Variants in ARHGAP28 observed in about 807,000 individuals in gnomAD.
ARHGAP28 encodes the protein rho GTPase-activating protein 28.
Under a neutral mutation model 90.7 loss-of-function variants are expected in ARHGAP28, and 56 were observed. The ratio of observed to expected loss-of-function variants is 0.62; its 90% CI spans 0.50 to 0.77. The LOEUF (loss-of-function observed/expected upper bound fraction) is 0.77, where lower values mean the gene tolerates loss of function less well. Among genes scored for constraint, ARHGAP28 ranks in the 30% least tolerant of loss-of-function variants. The probability of loss-of-function intolerance (pLI) is 0.00; values close to 1 mark genes in which losing one functional copy is unlikely to be tolerated. For synonymous variants in ARHGAP28, 308 were observed against 323.3 expected, an observed-to-expected ratio of 0.95 and a Z score of 0.51; for missense variants, 869 against 900.9, an observed-to-expected ratio of 0.96 and a Z score of 0.45.
intron 16 of ARHGAP28, among the ~76,000 whole-genome samples, chr18:6,899,318 G>C (rs2057325974): frequency 6.6e-6 from 1 of 152,124 alleles, no homozygotes; most frequent in Admixed American, 6.5e-5. Context: ...GGAAAGAAGA[G>C]GCCTTGAGAA....
Position 6,821,491 on chromosome 18 carries a change from G to A in ARHGAP28, c.123-3271G>A, listed in dbSNP as rs142045290. On this transcript the variant is annotated intron_variant, in intron 1 of 17. Transcript: ENST00000383472. ...GTGAGGTATGAAGCTGCCCATTAAG[G>A]CTCATCAAACTGTTGGATGGGCCTG... is the stretch of plus-strand genomic sequence containing the variant. 1.9e-3 allele frequency among the ~76,000 whole-genome samples: 295 copies of A among 152,264 alleles called. 2 individuals are homozygous for A. The highest frequency in any genetic ancestry group is 6.8e-3 in the African/African-American group (282 of 41,572).
At chr18:6,878,603 T>A (rs1275351648) in intron 10 of ARHGAP28, among the ~76,000 whole-genome samples, 1 of 152,224 alleles carries the variant, frequency 6.6e-6, no homozygotes, top group Admixed American at 6.5e-5. Context: ...CAAAGGCTAA[T>A]CGTTCCTTCA....
At chr18:6,777,301 T>C (rs756243106) in intron 1 of ARHGAP28, among the ~76,000 whole-genome samples, 1 of 152,176 alleles carries the variant, frequency 6.6e-6, no homozygotes, top group African/African-American at 2.4e-5. Context: ...ATGCCATTAC[T>C]GAGACTGGGA....
At chr18:6,875,694 G>A (rs1241983) in intron 9 of ARHGAP28, among the ~76,000 whole-genome samples, 73,830 of 151,918 alleles carry the variant, frequency 0.49, 18,216 homozygotes, top group Non-Finnish European at 0.52. Context: ...TCTTTACCCC[G>A]TCTAAACTCC....
At chr18:6,733,969 A>G (rs1446002060) in intron 1 of ARHGAP28, among the ~76,000 whole-genome samples, 1 of 152,186 alleles carries the variant, frequency 6.6e-6, no homozygotes, top group Admixed American at 6.5e-5. Context: ...TCTACAGTGC[A>G]TTTCTAGATC....
At chr18:6,875,607 T>A (rs529863392) in intron 9 of ARHGAP28, among the ~76,000 whole-genome samples, 1 of 152,306 alleles carries the variant, frequency 6.6e-6, no homozygotes, top group Admixed American at 6.5e-5. Context: ...TTACACATAA[T>A]CAATGCACAA....
Position 6,882,296 on chromosome 18 carries a change from G to T in ARHGAP28, c.1450G>T (p.Glu484Ter). 1.9e-6 allele frequency: 3 copies of T among 1,610,958 alleles called. No homozygotes were observed. The highest frequency in any genetic ancestry group is 2.5e-6 in the Non-Finnish European group (3 of 1,178,972). Reference protein sequence around the residue: ...EYIPAFISLMERGPHVKVQFQ... With the variant: ...EYIPAFISLM ...TATACCTGCCTTCATCAGTCTAATG[G>T]AAAGTAGGTGGAAGACGTTATATGT... Residue 484 changes from glutamate to a stop codon, truncating the protein, a stop_gained, in exon 11 of 18, where the codon GAA (glutamate) becomes TAA (stop). Coordinates refer to ENST00000383472, the MANE Select transcript of ARHGAP28 (RefSeq NM_001366230.1). LOFTEE classifies it high-confidence loss of function.
intron 11 of ARHGAP28, among the ~76,000 whole-genome samples, chr18:6,884,869 A>G (rs1348830106): frequency 4.6e-5 from 7 of 152,174 alleles, no homozygotes; most frequent in Non-Finnish European, 1.0e-4. Context: ...TAAGAAGGGT[A>G]TATGAATATA....
intron 3 of ARHGAP28, among the ~76,000 whole-genome samples, chr18:6,839,910 G>A (rs752872904): frequency 6.6e-6 from 1 of 152,144 alleles, no homozygotes. Flanking sequence ...TCTTTCTAAT[G>A]GATTTTCTTT....
intron 1 of ARHGAP28, among the ~76,000 whole-genome samples, chr18:6,760,654 A>G (rs939901984): frequency 1.3e-5 from 2 of 152,230 alleles, no homozygotes; most frequent in African/African-American, 2.4e-5. Flanking sequence ...TAAAGCAATA[A>G]TTAGCATTGA....
At chr18:6,858,973 A>C (rs999158835) in intron 4 of ARHGAP28, among the ~76,000 whole-genome samples, 15 of 152,362 alleles carry the variant, frequency 9.8e-5, no homozygotes, top group Admixed American at 2.6e-4. Context: ...AAATGCATTA[A>C]ATTTTGCAAT....
At chr18:6,839,379 C>T (rs913147062) in intron 3 of ARHGAP28, among the ~76,000 whole-genome samples, 15 of 150,762 alleles carry the variant, frequency 9.9e-5, no homozygotes, top group Admixed American at 4.0e-4. Flanking sequence ...CTGCAAGCTC[C>T]GCCTCCCGGG....
At position 6,869,539 on chromosome 18, in the gene ARHGAP28, G is replaced by A. The variant is rs34615892; in HGVS notation, c.812-1051G>A. Among the ~76,000 whole-genome samples the A allele has an allele frequency of 4.2e-3, 640 of 152,130 alleles. 6 individuals are homozygous for A. The highest frequency in any genetic ancestry group is 4.2e-3 in the Non-Finnish European group (286 of 67,980). Reference sequence around the variant, plus strand: ...GCCTCCCAAAGTGCTGGGATTATAGGCATGAGCCACTGTGCCTGGCGTCCC... The same window carrying A: ...GCCTCCCAAAGTGCTGGGATTATAGACATGAGCCACTGTGCCTGGCGTCCC... On this transcript the variant is annotated intron_variant, in intron 6 of 17. Coordinates refer to ENST00000383472, the MANE Select transcript of ARHGAP28 (RefSeq NM_001366230.1).
chr18:6,898,568 C>A, intron 16 of ARHGAP28: 8 of 1,612,356 alleles, frequency 5.0e-6, no homozygotes, highest in Non-Finnish European at 6.8e-6. Flanking sequence ...TGGACATCTC[C>A]ACATAGGCAG....
chr18:6,817,337 A>AC, intron 1 of ARHGAP28, among the ~76,000 whole-genome samples: 1 of 151,908 alleles, frequency 6.6e-6, no homozygotes, highest in African/African-American at 2.4e-5. Flanking sequence ...ACAAACAAAA[A>AC]AAAAACAAAA....
At chr18:6,859,244 A>C (rs1335932807) in intron 4 of ARHGAP28, among the ~76,000 whole-genome samples, 1 of 152,162 alleles carries the variant, frequency 6.6e-6, no homozygotes, top group Admixed American at 6.5e-5. Flanking sequence ...TTTGCTTCAC[A>C]TGGAGACCCC....
intron 4 of ARHGAP28, among the ~76,000 whole-genome samples, chr18:6,852,470 TA>T: frequency 6.6e-6 from 1 of 152,230 alleles, no homozygotes; most frequent in Non-Finnish European, 1.5e-5. Flanking sequence ...AATACAATCA[TA>T]CCATTAGTTA....
At chr18:6,860,180 T>G (rs886304008) in intron 5 of ARHGAP28, among the ~76,000 whole-genome samples, 5 of 152,198 alleles carry the variant, frequency 3.3e-5, no homozygotes, top group African/African-American at 1.2e-4. Context: ...ACTTTGGTCT[T>G]CTCAGCTGAG....
At chr18:6,912,032 A>G in intron 17 of ARHGAP28, 28 bp from the exon 18 acceptor site, 2 of 1,464,520 alleles carry the variant, frequency 1.4e-6, no homozygotes, top group Non-Finnish European at 1.9e-6. Flanking sequence ...AATGTACACT[A>G]ATTCTCTGAT....
Sources: gnomAD v4.1 joint callset for allele counts (sites outside exome capture counted in the v4.1 genomes callset) on GRCh38, gnomAD v4.1.1 for gene constraint, MANE v1.5 for transcripts, NCBI Gene and HGNC (gene_info 2026-07-23, HGNC 2026-07-21) for gene names.